DPP10: variants seen among roughly 807,000 people sequenced by gnomAD.
DPP10 encodes inactive dipeptidyl peptidase 10.
DPP10 carries 33 observed loss-of-function variants against 120.9 expected under a neutral mutation model. That is an observed-to-expected ratio of 0.27 (90% CI 0.21 to 0.37). The LOEUF (loss-of-function observed/expected upper bound fraction) is 0.37, where lower values mean the gene tolerates loss of function less well. Ranked by LOEUF, DPP10 falls within the 10% of genes least tolerant of loss-of-function variation. The probability of loss-of-function intolerance (pLI) is 1.00; values close to 1 mark genes in which losing one functional copy is unlikely to be tolerated. For missense variants in DPP10, 816 were observed against 942.8 expected, an observed-to-expected ratio of 0.87 and a Z score of 1.76; for synonymous variants, 337 against 326.1, an observed-to-expected ratio of 1.03 and a Z score of -0.36.
intron 1 of DPP10, among the ~76,000 whole-genome samples, chr2:114,630,417 C>G (rs944206591): frequency 4.6e-5 from 7 of 152,140 alleles, no homozygotes; most frequent in Non-Finnish European, 1.0e-4. Flanking sequence ...CAAGCAAAGT[C>G]TGATTTGGAA....
chr2:115,522,447 C>T (rs975907339), intron 4 of DPP10, among the ~76,000 whole-genome samples: 1 of 152,168 alleles, frequency 6.6e-6, no homozygotes, highest in African/African-American at 2.4e-5. Flanking sequence ...GAATGTTCAA[C>T]ACATAAGATT....
intron 3 of DPP10, among the ~76,000 whole-genome samples, chr2:115,474,108 A>G (rs1044594537): frequency 6.6e-6 from 1 of 152,186 alleles, no homozygotes; most frequent in African/African-American, 2.4e-5. Flanking sequence ...TTGTGATCTC[A>G]GGTAGATTGT....
intron 1 of DPP10, among the ~76,000 whole-genome samples, chr2:114,512,389 T>A (rs1236162918): frequency 1.3e-5 from 2 of 152,216 alleles, no homozygotes; most frequent in South Asian, 4.1e-4. Flanking sequence ...ATTGATTTCA[T>A]GGACGTTCAT....
intron 3 of DPP10, among the ~76,000 whole-genome samples, chr2:115,384,354 A>G (rs2066686086): frequency 1.3e-5 from 2 of 151,888 alleles, no homozygotes; most frequent in Admixed American, 6.6e-5. Context: ...AGCCTAGATA[A>G]CAGAGCAAGA....
intron 1 of DPP10, among the ~76,000 whole-genome samples, chr2:114,812,256 A>G (rs1239826641): frequency 6.6e-6 from 1 of 152,134 alleles, no homozygotes; most frequent in African/African-American, 2.4e-5. Flanking sequence ...GGTTTGCTGT[A>G]TTTTAAAAGG....
intron 5 of DPP10, among the ~76,000 whole-genome samples, chr2:115,667,332 C>T (rs918335475): frequency 1.3e-5 from 2 of 152,090 alleles, no homozygotes; most frequent in Admixed American, 1.3e-4. Flanking sequence ...TTTCACTGTG[C>T]AGAAACTCTT....
intron 5 of DPP10, among the ~76,000 whole-genome samples, chr2:115,569,571 C>T (rs183777102): frequency 5.6e-4 from 85 of 152,208 alleles, no homozygotes; most frequent in Non-Finnish European, 8.5e-4. Flanking sequence ...ATTGTATCTA[C>T]GCAATCAAGG....
intron 1 of DPP10, among the ~76,000 whole-genome samples, chr2:114,629,227 CT>C (rs967799897): frequency 2.0e-5 from 3 of 152,180 alleles, no homozygotes; most frequent in African/African-American, 7.2e-5. Flanking sequence ...TCTCTGCCCC[CT>C]CTTGCCTCTA....
intron 1 of DPP10, among the ~76,000 whole-genome samples, chr2:114,808,441 C>A (rs1684917395): frequency 6.6e-6 from 1 of 151,964 alleles, no homozygotes; most frequent in South Asian, 2.1e-4. Context: ...TTATGAGATA[C>A]CATCAAAAGG....
intron 1 of DPP10, chr2:114,834,174 A>ACGCACCTATGTATATATAAGCCATG (rs1687403157): frequency 7.3e-6 from 1 of 137,526 alleles, no homozygotes; most frequent in African/African-American, 2.6e-5. Flanking sequence ...TATAAGCCAT[A>ACGCACCTATGTATATATAAGCCATG]TCTACACACC....
chr2:114,617,032 C>T (rs1281823539), intron 1 of DPP10, among the ~76,000 whole-genome samples: 1 of 152,102 alleles, frequency 6.6e-6, no homozygotes, highest in East Asian at 1.9e-4. Context: ...TTAAATACCA[C>T]CAGTTAACAT....
intron 1 of DPP10, among the ~76,000 whole-genome samples, chr2:114,816,923 A>G (rs1288331057): frequency 1.3e-5 from 2 of 152,206 alleles, no homozygotes; most frequent in Non-Finnish European, 2.9e-5. Flanking sequence ...CCTGTATGAA[A>G]CAAGGTAGTT....
intron 1 of DPP10, among the ~76,000 whole-genome samples, chr2:115,060,497 C>T (rs1484488903): frequency 6.6e-6 from 1 of 152,032 alleles, no homozygotes; most frequent in East Asian, 1.9e-4. Flanking sequence ...GAGGATGAGA[C>T]GGAAGGATCC....
At chr2:114,483,330 G>A (rs1262119495) in intron 1 of DPP10, among the ~76,000 whole-genome samples, 1 of 152,022 alleles carries the variant, frequency 6.6e-6, no homozygotes, top group East Asian at 1.9e-4. Context: ...GTGTACATCT[G>A]TTCCACTAGG....
At chr2:115,603,432 C>A (rs2083474520) in intron 5 of DPP10, among the ~76,000 whole-genome samples, 1 of 149,108 alleles carries the variant, frequency 6.7e-6, no homozygotes, top group Non-Finnish European at 1.5e-5. Flanking sequence ...TCAGCTTTCT[C>A]TGCACTCCCC....
chr2:115,015,320 C>A (rs991355093), intron 1 of DPP10, among the ~76,000 whole-genome samples: 8 of 152,148 alleles, frequency 5.3e-5, no homozygotes, highest in African/African-American at 1.9e-4. Flanking sequence ...GCTAAAAATT[C>A]TCAATAAACT....
At chr2:115,270,066 T>TCACACACA (rs57649162) in intron 1 of DPP10, among the ~76,000 whole-genome samples, 2,611 of 130,678 alleles carry the variant, frequency 0.02, 57 homozygotes, top group Middle Eastern at 0.042. Context: ...TAGGTATACT[T>TCACACACA]CACACACACA....
At chr2:114,649,351 T>A (rs1409054272) in intron 1 of DPP10, among the ~76,000 whole-genome samples, 3 of 151,936 alleles carry the variant, frequency 2.0e-5, no homozygotes, top group Non-Finnish European at 4.4e-5. Flanking sequence ...TGAGATTTTT[T>A]TTTTCTTTTT....
intron 3 of DPP10, among the ~76,000 whole-genome samples, chr2:115,346,618 G>A (rs1308691174): frequency 6.6e-6 from 1 of 152,020 alleles, no homozygotes; most frequent in Non-Finnish European, 1.5e-5. Flanking sequence ...CTTCATTCTA[G>A]CAATGTCACC....
Sources: gnomAD v4.1 joint callset for allele counts (sites outside exome capture counted in the v4.1 genomes callset) on GRCh38, gnomAD v4.1.1 for gene constraint, MANE v1.5 for transcripts, NCBI Gene and HGNC (gene_info 2026-07-23, HGNC 2026-07-21) for gene names.